CAPS2: variants seen among roughly 807,000 people sequenced by gnomAD.
CAPS2 encodes the protein calcyphosin-2.
A neutral mutation model predicts 86.5 loss-of-function variants in CAPS2; 98 were observed. The observed-to-expected ratio is 1.13, with a 90% CI of 0.96 to 1.34. CAPS2 has a LOEUF of 1.34. Ranked by LOEUF, CAPS2 falls within the 40% of genes most tolerant of loss-of-function variation. The pLI is 0.00. For missense variants in CAPS2, 729 were observed against 686.8 expected (o/e 1.06, Z -0.69); for synonymous variants, 210 against 225.1 (o/e 0.93, Z 0.60).
intron 16 of CAPS2, among the ~76,000 whole-genome samples, chr12:75,280,410 T>A (rs568204370): frequency 7.9e-5 from 12 of 151,930 alleles, no homozygotes; most frequent in Non-Finnish European, 1.6e-4. Flanking sequence ...TCATTTTTAA[T>A]ATGAACGCAA....
downstream of CAPS2, chr12:75,276,481 A>G (rs2032952688): frequency 1.0e-6 from 1 of 977,854 alleles, no homozygotes; most frequent in East Asian, 1.1e-4. Context: ...GACTGCCTCT[A>G]TGCAGAGTCG....
At chr12:75,285,013 T>C in exon 15 of CAPS2, 2 of 1,610,746 alleles carry the variant, frequency 1.2e-6, no homozygotes, top group Non-Finnish European at 1.7e-6. Context: ...AATACCACGT[T>C]TGAATTCTCC....
upstream of CAPS2, chr12:75,330,053 G>C: frequency 2.4e-6 from 1 of 411,090 alleles, no homozygotes; most frequent in Non-Finnish European, 4.3e-6. Context: ...CCAGGCCCGC[G>C]TCTGCAGGTT....
intron 1 of CAPS2, among the ~76,000 whole-genome samples, chr12:75,349,307 G>A (rs1420044652): frequency 6.6e-6 from 1 of 152,122 alleles, no homozygotes; most frequent in African/African-American, 2.4e-5. Flanking sequence ...TCCCACATAA[G>A]AAATGATTGA....
chr12:75,289,647 C>T lies in CAPS2; in HGVS notation c.1369G>A (p.Val457Met), dbSNP rs370428667. The T allele has an allele frequency of 1.9e-5, 31 of 1,613,082 alleles. 1 individual carries two copies. The African/African-American group carries it at 2.1e-4, about 11-fold the overall frequency. ...TTTTCAGACACTTCTAAGTGAAACA[C>T]TTTTAGAGCTTGCTTAAAATCTGCC... The change falls in exon 14 of 17, where the codon GTG becomes ATG. Residue 457 changes from valine (V) to methionine (M), a missense_variant. Coordinates refer to ENST00000393284, the Ensembl canonical transcript of CAPS2.
intron 1 of CAPS2, among the ~76,000 whole-genome samples, chr12:75,363,928 CAA>C (rs375314117): frequency 2.0e-4 from 30 of 152,060 alleles, no homozygotes; most frequent in African/African-American, 7.2e-4. Context: ...GCTTGCAAGT[CAA>C]AAGTCAAAGG....
intron 1 of CAPS2, among the ~76,000 whole-genome samples, chr12:75,373,055 T>C (rs572733766): frequency 2.0e-5 from 3 of 152,308 alleles, no homozygotes; most frequent in Non-Finnish European, 2.9e-5. Context: ...CACCAAATAG[T>C]TGTCTAACCA....
intron 7 of CAPS2, chr12:75,306,400 C>G: frequency 5.0e-6 from 2 of 401,894 alleles, no homozygotes; most frequent in South Asian, 6.1e-5. Context: ...CTGACCCTCA[C>G]CAGGCCTGTG....
At chr12:75,343,847 C>T in intron 1 of CAPS2, 1 of 1,612,650 alleles carries the variant, frequency 6.2e-7, no homozygotes, top group Non-Finnish European at 8.5e-7. Context: ...TCATTCACAC[C>T]AAGACATGCC....
chr12:75,334,496 G>A (rs2041567771), upstream of CAPS2: 4 of 1,323,142 alleles, frequency 3.0e-6, no homozygotes, highest in Non-Finnish European at 3.9e-6. Flanking sequence ...CCCTCCACCA[G>A]AGGGCGACTC....
chr12:75,383,029 C>T (rs1438227085), intron 1 of CAPS2, among the ~76,000 whole-genome samples: 1 of 152,090 alleles, frequency 6.6e-6, no homozygotes, highest in African/African-American at 2.4e-5. Context: ...TTTCAAAGTT[C>T]AAAAATCTAC....
At chr12:75,305,059 C>CT (rs2038290146) in intron 7 of CAPS2, 183 bp from the exon 8 acceptor site, 1 of 445,300 alleles carries the variant, frequency 2.2e-6, no homozygotes. Flanking sequence ...ATTCCTATCT[C>CT]TTTTTCCAGA....
At chr12:75,304,474 G>T (rs2038198115) in intron 8 of CAPS2, among the ~76,000 whole-genome samples, 1 of 152,100 alleles carries the variant, frequency 6.6e-6, no homozygotes, top group Non-Finnish European at 1.5e-5. Context: ...AAATTTCTCG[G>T]TAACTATATG....
chr12:75,311,699 G>GA lies in CAPS2; in HGVS notation c.659+1148_659+1149insT, dbSNP rs764314438. Among the ~76,000 whole-genome samples, 55 of 17,022 alleles carry GA rather than the reference G, an allele frequency of 3.2e-3. 1 individual carries two copies. Among genetic ancestry groups the GA allele is most frequent in the Admixed American group, 6.1e-3 (5 of 818 alleles). 11.2% of individuals were successfully genotyped at this position (17,022 alleles called of 152,430 possible). A position where few individuals can be genotyped will look rare whatever the true frequency, so the allele number is the denominator to read the frequency against. On this transcript the variant is annotated intron_variant, in intron 7 of 16. Transcript: ENST00000393284. Reference sequence around the variant, plus strand: ...CGTGTCACGTGCAGGAAGCCATGCAGGAAAAAAAAAAACAAAAAAAAAAAC... The same window carrying GA: ...CGTGTCACGTGCAGGAAGCCATGCAGAGAAAAAAAAAAACAAAAAAAAAAAC...
chr12:75,288,850 A>G (rs1214771631), intron 14 of CAPS2, among the ~76,000 whole-genome samples: 1 of 152,330 alleles, frequency 6.6e-6, no homozygotes, highest in East Asian at 1.9e-4. Context: ...ATCTACTGGC[A>G]GGCAGAGTCA....
chr12:75,343,495 T>C (rs113522398), intron 1 of CAPS2, among the ~76,000 whole-genome samples: 1 of 152,002 alleles, frequency 6.6e-6, no homozygotes, highest in Non-Finnish European at 1.5e-5. Context: ...CAATGAACTG[T>C]CATAGAGTGA....
intron 4 of CAPS2, 110 bp from the exon 5 acceptor site, chr12:75,321,686 C>G (rs2040317576): frequency 4.0e-6 from 3 of 753,622 alleles, no homozygotes; most frequent in African/African-American, 1.8e-5. Context: ...TAAAAATGAC[C>G]ATTATAGTCA....
intron 1 of CAPS2, among the ~76,000 whole-genome samples, chr12:75,364,163 G>T (rs2043807844): frequency 6.6e-6 from 1 of 152,170 alleles, no homozygotes. Context: ...ATCTGTATTG[G>T]TGTTAATGCT....
At chr12:75,347,825 A>G (rs898233198) in intron 1 of CAPS2, 3 of 567,366 alleles carry the variant, frequency 5.3e-6, no homozygotes, top group Admixed American at 2.8e-5. Flanking sequence ...TTTGATAAGT[A>G]ATGACTCCCT....
Sources: allele counts gnomAD v4.1 joint callset (sites outside exome capture counted in the v4.1 genomes callset), GRCh38; gene constraint gnomAD v4.1.1; transcripts MANE v1.5; gene names NCBI Gene and HGNC (gene_info 2026-07-23, HGNC 2026-07-21).